Variants in TVP23A observed in about 807,000 individuals in gnomAD.
TVP23A encodes Golgi apparatus membrane protein TVP23 homolog A.
A neutral mutation model predicts 31.7 loss-of-function variants in TVP23A; 21 were observed. The observed-to-expected ratio is 0.66, with a 90% CI of 0.47 to 0.95. The LOEUF (loss-of-function observed/expected upper bound fraction) is 0.95. Among genes scored for constraint, TVP23A ranks in the 40% least tolerant of loss-of-function variants. The pLI is 0.00. For synonymous variants in TVP23A, 104 were observed against 96.0 expected (o/e 1.08, Z -0.49); for missense variants, 279 against 255.6 (o/e 1.09, Z -0.62).
intron 2 of TVP23A, among the ~76,000 whole-genome samples, chr16:10,780,209 T>C (rs935042356): frequency 5.9e-5 from 9 of 152,172 alleles, no homozygotes; most frequent in African/African-American, 2.2e-4. Context: ...CCTCAGTAAA[T>C]TTACTTAATC....
chr16:10,774,953 T>G lies in TVP23A; in HGVS notation c.233A>C (p.Lys78Thr). The change falls in exon 3 of 8, where the codon AAG becomes ACG. Residue 78 changes from lysine (K) to threonine (T), a missense_variant and splice_region_variant. Coordinates refer to ENST00000299866, the MANE Select transcript of TVP23A (RefSeq NM_001079512.4). ...TGACATCACACGAAAGGGCCTCACCTTCACAGACCAGAAGTCCAGGGACAG... is the reference window on the plus strand; with the variant it reads ...TGACATCACACGAAAGGGCCTCACCGTCACAGACCAGAAGTCCAGGGACAG... Reference protein sequence around the residue: ...LLLSLDFWSVKNVTGRLLVGL... With the variant: ...LLLSLDFWSVTNVTGRLLVGL... 2 of 1,612,640 alleles carry G rather than the reference T, an allele frequency of 1.2e-6. No homozygotes were observed. Among genetic ancestry groups the G allele is most frequent in the Non-Finnish European group, 1.7e-6 (2 of 1,179,232 alleles).
intron 2 of TVP23A, among the ~76,000 whole-genome samples, chr16:10,798,393 T>A (rs2033520768): frequency 6.6e-6 from 1 of 152,122 alleles, no homozygotes; most frequent in Non-Finnish European, 1.5e-5. Context: ...ATGGAGATAA[T>A]CACATCTACC....
chr16:10,793,816 T>C lies in TVP23A; in HGVS notation c.90-18720A>G, dbSNP rs559753901. 5.8e-5 allele frequency among the ~76,000 whole-genome samples: 8 copies of C among 137,710 alleles called. No individual in the cohort carries two copies. The East Asian group carries it at 1.0e-3, about 18-fold the overall frequency. 90.3% of individuals were successfully genotyped at this position (137,710 alleles called of 152,430 possible). The stretch of plus-strand genomic sequence containing the variant: ...TGGGAGGCTGAAGTGCGAGGACTGA[T>C]TGGGCCCAGGAGATTGTGGCTTCAG... On this transcript the variant is annotated intron_variant, in intron 2 of 7. Transcript: ENST00000299866.
intron 2 of TVP23A, among the ~76,000 whole-genome samples, chr16:10,796,303 T>C (rs979598289): frequency 6.6e-6 from 1 of 151,998 alleles, no homozygotes; most frequent in Admixed American, 6.6e-5. Flanking sequence ...TCATGCCACT[T>C]GCACTCCAGC....
intron 2 of TVP23A, among the ~76,000 whole-genome samples, chr16:10,802,121 C>CAT (rs1256789957): frequency 6.6e-6 from 1 of 151,492 alleles, no homozygotes; most frequent in Non-Finnish European, 1.5e-5. Flanking sequence ...CACACACACA[C>CAT]ATACACACAC....
downstream of TVP23A, among the ~76,000 whole-genome samples, chr16:10,764,183 C>T (rs543766121): frequency 6.6e-6 from 1 of 152,380 alleles, no homozygotes; most frequent in South Asian, 2.1e-4. Flanking sequence ...CCCACGGGAG[C>T]ATCCCAGCCC....
downstream of TVP23A, among the ~76,000 whole-genome samples, chr16:10,764,633 A>C (rs907962660): frequency 2.0e-5 from 3 of 149,376 alleles, no homozygotes; most frequent in Non-Finnish European, 4.4e-5. Context: ...CTATTGGAGC[A>C]TCTCAGTCTG....
downstream of TVP23A, among the ~76,000 whole-genome samples, chr16:10,758,373 T>G (rs1218201934): frequency 6.6e-6 from 1 of 152,120 alleles, no homozygotes; most frequent in Non-Finnish European, 1.5e-5. Context: ...CTTGGGAGGC[T>G]GAGGTAGGAG....
Position 10,774,067 on chromosome 16 carries a change from T to C in TVP23A, c.296A>G (p.Lys99Arg). 1.2e-6 allele frequency: 2 copies of C among 1,612,148 alleles called. No individual in the cohort carries two copies. Among genetic ancestry groups the C allele is most frequent in the Non-Finnish European group, 1.7e-6 (2 of 1,179,206 alleles). Residue 99 changes from lysine to arginine, a missense_variant, in exon 4 of 8, where the codon AAG becomes AGG. Coordinates refer to ENST00000299866, the MANE Select transcript of TVP23A (RefSeq NM_001079512.4). Reference protein sequence around the residue: ...RWWNQIDEDGKSHWIFEARKV... With the variant: ...RWWNQIDEDGRSHWIFEARKV... ...CCTGGCTTCAAAGATCCAGTGGCTC[T>C]TCCCATCTTCATCTATCTGGTTCCA... is the stretch of plus-strand genomic sequence containing the variant.
At chr16:10,759,400 A>C (rs1900789523), downstream of TVP23A, among the ~76,000 whole-genome samples, 1 of 152,206 alleles carries the variant, frequency 6.6e-6, no homozygotes, top group Non-Finnish European at 1.5e-5. The surrounding 1 kb of genome is among the most constrained non-coding windows in gnomAD (Gnocchi z 4.7). Flanking sequence ...CCTGGACAGG[A>C]GGGAGGATGG....
rs61036988 is a variant in TVP23A, at chr16:10,802,241, CGTGTGTGTGTGT to C, written c.89+15850_89+15861del. On this transcript the variant is annotated intron_variant, in intron 2 of 7. Transcript: ENST00000299866. ...TCTGCATCCATGAGTTTATATGATA[CGTGTGTGTGTGT>C]GTGTGTGTGTGTGTGTGTGTGTGTG... Among the ~76,000 whole-genome samples the C allele has an allele frequency of 6.6e-3, 867 of 130,484 alleles. 2 individuals are homozygous for C. The highest frequency in any genetic ancestry group is 0.014 in the Middle Eastern group (4 of 276). 85.6% of individuals were successfully genotyped at this position (130,484 alleles called of 152,430 possible). A position where few individuals can be genotyped will look rare whatever the true frequency, so the allele number is the denominator to read the frequency against.
intron 2 of TVP23A, chr16:10,800,366 T>A (rs2033638605): frequency 6.6e-6 from 1 of 152,314 alleles, no homozygotes; most frequent in African/African-American, 2.4e-5. Context: ...AATCTTGTCT[T>A]CCCTTGCATT....
At chr16:10,806,469 G>A (rs1339191975) in intron 2 of TVP23A, among the ~76,000 whole-genome samples, 2 of 152,154 alleles carry the variant, frequency 1.3e-5, no homozygotes, top group South Asian at 4.2e-4. Context: ...GTGGGTCACA[G>A]GTCAGCAGAA....
At chr16:10,785,767 A>C (rs1230502567) in intron 2 of TVP23A, among the ~76,000 whole-genome samples, 1 of 152,192 alleles carries the variant, frequency 6.6e-6, no homozygotes, top group African/African-American at 2.4e-5. Flanking sequence ...TCTCAGATCT[A>C]TGTGATTGTA....
At chr16:10,798,201 T>C (rs1269056046) in intron 2 of TVP23A, among the ~76,000 whole-genome samples, 1 of 152,032 alleles carries the variant, frequency 6.6e-6, no homozygotes, top group Non-Finnish European at 1.5e-5. Context: ...CCTTGTTATC[T>C]GCCCGCCTTG....
At chr16:10,789,830 CA>C (rs556556720) in intron 2 of TVP23A, among the ~76,000 whole-genome samples, 4,227 of 88,408 alleles carry the variant, frequency 0.048, 152 homozygotes, top group African/African-American at 0.13. Flanking sequence ...GACTCTGTCT[CA>C]AAAAAAAAAA....
Position 10,767,608 on chromosome 16 carries a change from T to A in TVP23A, c.*1494A>T. On this transcript the variant is annotated 3_prime_UTR_variant, in exon 8 of 8. Transcript: ENST00000299866. This position sits in a 1 kb window ranked among gnomAD's most constrained non-coding sequence, Gnocchi z 4.6. ...ATCCTTTTGCATTCTGTACTTTTTT[T>A]AACCATGTGCATTCATGATCCTTTC... 1 of 450,822 alleles carries A rather than the reference T, an allele frequency of 2.2e-6. No individual in the cohort carries two copies. The highest frequency in any genetic ancestry group is 3.9e-6 in the Non-Finnish European group (1 of 256,668). 27.9% of individuals were successfully genotyped at this position (450,822 alleles called of 1,614,324 possible).
At chr16:10,812,172 C>T (rs2034235664) in intron 2 of TVP23A, among the ~76,000 whole-genome samples, 1 of 150,590 alleles carries the variant, frequency 6.6e-6, no homozygotes, top group African/African-American at 2.5e-5. Context: ...CATCATTAAC[C>T]ATTAGGGATA....
chr16:10,781,324 A>C (rs2032408388), intron 2 of TVP23A, among the ~76,000 whole-genome samples: 3 of 147,108 alleles, frequency 2.0e-5, no homozygotes, highest in Non-Finnish European at 4.4e-5. Flanking sequence ...GTGAGACTCC[A>C]TCTCAAAAAA....
Sources: gnomAD v4.1 joint callset for allele counts (sites outside exome capture counted in the v4.1 genomes callset) on GRCh38, gnomAD v4.1.1 for gene constraint, Gnocchi (gnomAD v3.1) non-coding constraint, MANE v1.5 for transcripts, NCBI Gene and HGNC (gene_info 2026-07-23, HGNC 2026-07-21) for gene names.